Variants in RABGEF1 observed in about 807,000 individuals in gnomAD.
RABGEF1 encodes the protein rab5 GDP/GTP exchange factor.
Under a neutral mutation model 57.3 loss-of-function variants are expected in RABGEF1, and 26 were observed. The observed-to-expected ratio is 0.45, with a 90% CI of 0.33 to 0.63. RABGEF1 has a LOEUF of 0.63. RABGEF1 is among the 20% of genes least tolerant of loss of function. RABGEF1 has a pLI of 0.02. For synonymous variants in RABGEF1, 185 were observed against 210.7 expected (o/e 0.88, Z 1.06); for missense variants, 464 against 607.6 (o/e 0.76, Z 2.48).
rs548215057 is a variant in RABGEF1 at position 66,809,165 on chromosome 7, G to A, written c.1357G>A (p.Val453Ile). 1.8e-5 allele frequency: 29 copies of A among 1,614,192 alleles called. 1 individual carries two copies. In the South Asian group the frequency reaches 2.2e-4, roughly 12 times the overall value. ...AATTGCAAGAGAAGTTCAAGACATCGTTGAGAAATACCCACTGGAAATTAA... is the reference window on the plus strand; with the variant it reads ...AATTGCAAGAGAAGTTCAAGACATCATTGAGAAATACCCACTGGAAATTAA... ...DGIAREVQDIVEKYPLEIKPP... is the reference protein window; with the variant it reads ...DGIAREVQDIIEKYPLEIKPP... The change falls in exon 9 of 9, where the codon GTT (valine) becomes ATT (isoleucine). Residue 453 changes from valine (V) to isoleucine (I), a missense_variant. Around this residue, in one of 4 missense-constraint regions of RABGEF1, gnomAD observed 151 missense variants for 152.2 expected, o/e 0.99. Transcript: ENST00000284957.
chr7:66,692,813 C>T (rs1273475299), intron 1 of RABGEF1, among the ~76,000 whole-genome samples: 1 of 152,006 alleles, frequency 6.6e-6, no homozygotes, highest in Non-Finnish European at 1.5e-5. Flanking sequence ...CATGGAGACT[C>T]CAAAAAAGGA....
chr7:66,809,119 C>A lies in RABGEF1; in HGVS notation c.1311C>A (p.Asp437Glu). Residue 437 changes from aspartate to glutamate, a missense_variant, in exon 9 of 9, where the codon GAC (aspartate) becomes GAA (glutamate). Physicochemically the swap from Asp to Glu is conservative, Grantham distance 45. This residue lies in a region of RABGEF1 where 151 missense variants were observed against 152.2 expected (regional missense o/e 0.99). Transcript: ENST00000284957. ...IMNEAKKLEK[D>E]LIDWTDGIAR... ...ATGAAGCCAAGAAACTGGAAAAAGA[C>A]CTCATAGATTGGACAGATGGAATTG... 6.2e-7 allele frequency: 1 copy of A among 1,614,166 alleles called. No homozygotes were observed. The highest frequency in any genetic ancestry group is 8.5e-7 in the Non-Finnish European group (1 of 1,180,032).
intron 1 of RABGEF1, among the ~76,000 whole-genome samples, chr7:66,751,835 T>C (rs761491447): frequency 2.6e-5 from 4 of 152,168 alleles, no homozygotes; most frequent in Non-Finnish European, 4.4e-5. Context: ...GGATTGTGTC[T>C]TCAGGGGAAA....
At chr7:66,793,319 G>T (rs1813171671) in intron 4 of RABGEF1, among the ~76,000 whole-genome samples, 1 of 152,170 alleles carries the variant, frequency 6.6e-6, no homozygotes, top group African/African-American at 2.4e-5. Context: ...TACATACATA[G>T]CCTGAAGGTA....
rs191987271 is a variant in RABGEF1 at position 66,714,173 on chromosome 7, T to A, written c.-815+1949T>A. 4.5e-4 allele frequency among the ~76,000 whole-genome samples: 69 copies of A among 152,346 alleles called. 1 individual carries two copies. The South Asian group carries it at 8.5e-3, about 19-fold the overall frequency. On this transcript the variant is annotated intron_variant and NMD_transcript_variant, in intron 2 of 9. Transcript: ENST00000607882. ...TGTTTTAAATCTTTGGTAAGAATTA[T>A]CTGGAGAAATTATCTAGGCCTTGAG...
intron 1 of RABGEF1, among the ~76,000 whole-genome samples, chr7:66,757,408 T>C (rs1440646725): frequency 6.6e-6 from 1 of 152,240 alleles, no homozygotes; most frequent in Non-Finnish European, 1.5e-5. Flanking sequence ...TGTTTTATTT[T>C]CTTTAGGCCT....
At chr7:66,712,469 T>C (rs1353920844) in intron 2 of RABGEF1, among the ~76,000 whole-genome samples, 1 of 152,212 alleles carries the variant, frequency 6.6e-6, no homozygotes, top group East Asian at 1.9e-4. Flanking sequence ...TTTCTGCAGA[T>C]ATCTTTTTTT....
intron 2 of RABGEF1, among the ~76,000 whole-genome samples, chr7:66,713,143 T>A (rs1450915573): frequency 1.3e-5 from 2 of 150,428 alleles, no homozygotes; most frequent in East Asian, 3.9e-4. Context: ...TCTTTTCTTT[T>A]CTTTTTTTTT....
chr7:66,656,094 G>T, the RABGEF1 span, among the ~76,000 whole-genome samples: 1 of 152,120 alleles, frequency 6.6e-6, no homozygotes, highest in Non-Finnish European at 1.5e-5. Context: ...AGGAGAGGAG[G>T]CCAGTAACTA....
At chr7:66,708,243 T>G (rs2117348894) in intron 1 of RABGEF1, among the ~76,000 whole-genome samples, 1 of 152,180 alleles carries the variant, frequency 6.6e-6, no homozygotes. Context: ...GGGATAACAA[T>G]TAACATCTTT....
intron 2 of RABGEF1, among the ~76,000 whole-genome samples, chr7:66,712,823 C>CTTT (rs199734132): frequency 1.4e-5 from 2 of 140,376 alleles, no homozygotes; most frequent in Non-Finnish European, 3.1e-5. Flanking sequence ...ATTTCCTTTC[C>CTTT]TTTTTTTTTT....
chr7:66,671,817 CTT>C, the RABGEF1 span, among the ~76,000 whole-genome samples: 16 of 125,450 alleles, frequency 1.3e-4, no homozygotes, highest in Admixed American at 2.5e-4. Flanking sequence ...GTGAGACTGT[CTT>C]TTTTTTTTTT....
intron 2 of RABGEF1, among the ~76,000 whole-genome samples, chr7:66,734,094 G>A (rs1404293211): frequency 6.6e-6 from 1 of 152,162 alleles, no homozygotes; most frequent in Non-Finnish European, 1.5e-5. Flanking sequence ...TTGGTCTAAC[G>A]GGGCCCTGGG....
intron 2 of RABGEF1, among the ~76,000 whole-genome samples, chr7:66,713,403 C>G (rs564166332): frequency 3.3e-5 from 5 of 152,308 alleles, no homozygotes; most frequent in African/African-American, 9.6e-5. Context: ...GCTGGGATTA[C>G]AGGCTTGAGC....
chr7:66,800,277 G>A (rs1204366114), intron 7 of RABGEF1, among the ~76,000 whole-genome samples: 1 of 152,214 alleles, frequency 6.6e-6, no homozygotes, highest in Admixed American at 6.5e-5. Context: ...GGGTTATAAA[G>A]GAGGTGGAGT....
chr7:66,721,920 G>A (rs1287725256), intron 2 of RABGEF1, among the ~76,000 whole-genome samples: 2 of 152,280 alleles, frequency 1.3e-5, no homozygotes, highest in African/African-American at 4.8e-5. Flanking sequence ...GTAGGCTGAG[G>A]TGGGAGGATC....
intron 3 of RABGEF1, among the ~76,000 whole-genome samples, chr7:66,781,930 G>T (rs1357917616): frequency 6.6e-6 from 1 of 152,124 alleles, no homozygotes; most frequent in Non-Finnish European, 1.5e-5. Flanking sequence ...CCTTCTTTGA[G>T]GAGTTAATCT....
chr7:66,706,143 C>T (rs1011839052), intron 1 of RABGEF1, among the ~76,000 whole-genome samples: 1 of 151,050 alleles, frequency 6.6e-6, no homozygotes, highest in African/African-American at 2.4e-5. Context: ...ACCTCATGAT[C>T]CACCCGCCTC....
At position 66,775,378 on chromosome 7, in the gene RABGEF1, G is replaced by T; in HGVS notation, c.331G>T (p.Val111Phe). 1 of 1,613,818 alleles carries T rather than the reference G, an allele frequency of 6.2e-7. No homozygotes were observed. Among genetic ancestry groups the T allele is most frequent in the Non-Finnish European group, 8.5e-7 (1 of 1,179,784 alleles). Residue 111 changes from valine (V) to phenylalanine (F), a missense_variant, in exon 3 of 9, where the codon GTC becomes TTC. By Grantham distance (50) the Val-to-Phe change is conservative. This residue lies in a region of RABGEF1 where 284 missense variants were observed against 389.9 expected (regional missense o/e 0.73). Transcript: ENST00000284957. ...GAAATTCTTCAGTGCATCTTCCAGG[G>T]TCGGATCAAAGAAGGGTAATGTTCT... ...VKKFFSASSR[V>F]GSKKEIQEAK...
Sources: allele counts gnomAD v4.1 joint callset (sites outside exome capture counted in the v4.1 genomes callset), GRCh38; gene constraint gnomAD v4.1.1; regional missense constraint gnomAD v4.1.1; transcripts MANE v1.5; gene names NCBI Gene and HGNC (gene_info 2026-07-23, HGNC 2026-07-21).